APBB2: variants seen among roughly 807,000 people sequenced by gnomAD.
The protein encoded by APBB2 is amyloid beta precursor protein binding family B member 2.
A neutral mutation model predicts 82.5 loss-of-function variants in APBB2; 38 were observed. The observed-to-expected ratio is 0.46, with a 90% CI of 0.36 to 0.60. APBB2 has a LOEUF of 0.60. Among genes scored for constraint, APBB2 ranks in the 20% least tolerant of loss-of-function variants. The pLI, the probability that APBB2 is intolerant of heterozygous loss-of-function variation, is 0.00. For synonymous variants in APBB2, 341 were observed against 368.2 expected (o/e 0.93, Z 0.85); for missense variants, 772 against 972.3 (o/e 0.79, Z 2.74).
chr4:40,833,542 AAAG>A lies in APBB2; in HGVS notation c.1530-2968_1530-2966del, dbSNP rs570577898. On this transcript the variant is annotated intron_variant, in intron 12 of 17. Coordinates refer to ENST00000508593, the MANE Select transcript of APBB2 (RefSeq NM_004307.2). ...CCACGGTATTTACATTCTGTGCTAC[AAAG>A]AAGAGGTCGTTATATCATACCTTTT... Among the ~76,000 whole-genome samples the A allele has an allele frequency of 3.3e-3, 475 of 142,376 alleles. 4 individuals carry two copies. The highest frequency in any genetic ancestry group is 0.012 in the African/African-American group (455 of 37,240). 93.4% of individuals were successfully genotyped at this position (142,376 alleles called of 152,430 possible).
chr4:40,957,786 G>A (rs1326651500), intron 6 of APBB2, among the ~76,000 whole-genome samples: 5 of 152,000 alleles, frequency 3.3e-5, no homozygotes, highest in Non-Finnish European at 7.4e-5. Flanking sequence ...GTTTCGCCAC[G>A]TTGGCCAGGC....
chr4:41,033,224 A>G lies in APBB2; in HGVS notation c.19+12T>C. 1 of 1,544,136 alleles carries G rather than the reference A, an allele frequency of 6.5e-7. No homozygotes were observed. The highest frequency in any genetic ancestry group is 8.9e-7 in the Non-Finnish European group (1 of 1,119,696). On this transcript the variant is annotated intron_variant, in intron 5 of 17. Coordinates refer to ENST00000508593, the MANE Select transcript of APBB2 (RefSeq NM_004307.2). ...GCTTCTCTGCATTGAAATATGAGAA[A>G]ATGTATCTGACCTGGAAGTACTTCT...
intron 4 of APBB2, among the ~76,000 whole-genome samples, chr4:41,060,688 C>T (rs1288214922): frequency 3.3e-5 from 5 of 151,694 alleles, no homozygotes; most frequent in African/African-American, 4.8e-5. Flanking sequence ...TGCAGGAACA[C>T]GTGCTTCCAG....
intron 6 of APBB2, among the ~76,000 whole-genome samples, chr4:40,950,281 T>C (rs755122926): frequency 6.6e-6 from 1 of 152,200 alleles, no homozygotes; most frequent in Non-Finnish European, 1.5e-5. Context: ...AAGAAAATAG[T>C]ATTAACTAGT....
intron 6 of APBB2, among the ~76,000 whole-genome samples, chr4:40,947,375 G>C (rs1434623166): frequency 2.0e-5 from 3 of 152,190 alleles, no homozygotes; most frequent in African/African-American, 7.2e-5. Flanking sequence ...TAGCCTAGTT[G>C]TCTTTACCAC....
At position 41,013,773 on chromosome 4, in the gene APBB2, C is replaced by A. The variant is rs191023447; in HGVS notation, c.645G>T (p.Gln215His). ...CTACTTGGCCGTCTTCAGGGCTGGA[C>A]TGGGGTCTGTTTGGTTTCTGCAGCA... ...DLLLQKPNRPQSSPEDGQVAT... is the reference protein window; with the variant it reads ...DLLLQKPNRPHSSPEDGQVAT... Residue 215 changes from glutamine (Q) to histidine (H), a missense_variant, in exon 6 of 18, where the codon CAG (glutamine) becomes CAT (histidine). Gln to His is a conservative substitution (Grantham distance 24). Coordinates refer to ENST00000508593, the MANE Select transcript of APBB2 (RefSeq NM_004307.2). The A allele has an allele frequency of 3.7e-6, 6 of 1,614,198 alleles. No individual in the cohort carries two copies. In the East Asian group the frequency reaches 1.3e-4, roughly 36 times the overall value.
intron 5 of APBB2, among the ~76,000 whole-genome samples, chr4:41,029,964 G>C (rs1300192888): frequency 6.6e-6 from 1 of 152,132 alleles, no homozygotes; most frequent in African/African-American, 2.4e-5. Flanking sequence ...AGGCCATCCT[G>C]GCTAACACAG....
chr4:41,116,859 C>A (rs577658393), intron 2 of APBB2, among the ~76,000 whole-genome samples: 4 of 152,088 alleles, frequency 2.6e-5, no homozygotes, highest in African/African-American at 9.7e-5. Flanking sequence ...TCTCTCTCGT[C>A]GTGTTGTCTT....
intron 16 of APBB2, among the ~76,000 whole-genome samples, chr4:40,823,075 T>C (rs1748571013): frequency 6.6e-6 from 1 of 152,166 alleles, no homozygotes; most frequent in Non-Finnish European, 1.5e-5. Flanking sequence ...AGAGGCAGAA[T>C]AGAAAAGTGG....
chr4:40,887,799 C>A (rs73242095), intron 12 of APBB2, among the ~76,000 whole-genome samples: 16,463 of 152,186 alleles, frequency 0.11, 1,093 homozygotes, highest in Admixed American at 0.2. Flanking sequence ...TATGTGGAAC[C>A]CTGAGCGTAT....
intron 12 of APBB2, among the ~76,000 whole-genome samples, chr4:40,872,867 C>T (rs534744981): frequency 6.6e-6 from 1 of 151,816 alleles, no homozygotes; most frequent in African/African-American, 2.4e-5. Context: ...GGGTGGATCA[C>T]CTCAGGTCAG....
chr4:41,004,836 C>CAAA (rs34941899), intron 6 of APBB2, among the ~76,000 whole-genome samples: 5,702 of 49,036 alleles, frequency 0.12, 1,251 homozygotes, highest in Middle Eastern at 0.23. Context: ...GACCCCATCT[C>CAAA]AAAAAAAAAA....
chr4:40,829,738 G>A (rs755622699), intron 13 of APBB2, among the ~76,000 whole-genome samples: 5 of 152,168 alleles, frequency 3.3e-5, no homozygotes, highest in African/African-American at 4.8e-5. Flanking sequence ...GGTGGGAGGC[G>A]GAGGCTAGGC....
intron 12 of APBB2, among the ~76,000 whole-genome samples, chr4:40,834,936 G>A (rs7666964): frequency 0.57 from 87,082 of 152,022 alleles, 25,798 homozygotes; most frequent in Non-Finnish European, 0.64. Context: ...TGCAACTGCC[G>A]TTTGGATTTT....
chr4:40,818,001 CTAAG>C (rs1231987015), intron 17 of APBB2, among the ~76,000 whole-genome samples: 1 of 152,194 alleles, frequency 6.6e-6, no homozygotes, highest in African/African-American at 2.4e-5. Flanking sequence ...AAAACCACAC[CTAAG>C]TGTTGGAATT....
In APBB2 at chr4:41,050,684, A is replaced by G. The variant is rs537967322; in HGVS notation, c.-51+14892T>C. On this transcript the variant is annotated intron_variant, in intron 4 of 17. Coordinates refer to ENST00000508593, the MANE Select transcript of APBB2 (RefSeq NM_004307.2). ...CCATGCACAATTAGCAACTCTTCTA[A>G]TAAGAAATAAGGAAGAGGGAGGGAG... 2.0e-5 allele frequency among the ~76,000 whole-genome samples: 3 copies of G among 152,330 alleles called. No individual in the cohort carries two copies. In the South Asian group the frequency reaches 6.2e-4, roughly 32 times the overall value.
In APBB2 at chr4:41,000,059, A is replaced by ATGTG. The variant is rs1307419146; in HGVS notation, c.835+13523_835+13524insCACA. On this transcript the variant is annotated intron_variant, in intron 6 of 17. Coordinates refer to ENST00000508593, the MANE Select transcript of APBB2 (RefSeq NM_004307.2). Reference sequence around the variant, plus strand: ...TGTGTGTGTGTATGTATATGTATATATATGTGTGTATGTGTGTGTGTGTGT... The same window carrying ATGTG: ...TGTGTGTGTGTATGTATATGTATATATGTGTATGTGTGTATGTGTGTGTGTGTGT... Among the ~76,000 whole-genome samples the ATGTG allele has an allele frequency of 7.3e-3, 681 of 92,950 alleles. 11 individuals carry two copies. The highest frequency in any genetic ancestry group is 0.022 in the African/African-American group (622 of 27,984). The allele number at this position is 92,950 out of a possible 152,430, so 61.0% of individuals were successfully genotyped here. A position where few individuals can be genotyped will look rare whatever the true frequency, so the allele number is the denominator to read the frequency against.
intron 10 of APBB2, among the ~76,000 whole-genome samples, chr4:40,905,836 G>A (rs147091154): frequency 0.014 from 2,056 of 152,154 alleles, 20 homozygotes; most frequent in Non-Finnish European, 0.019. Flanking sequence ...TCACTCCTCC[G>A]CACTGAGAGA....
intron 12 of APBB2, among the ~76,000 whole-genome samples, chr4:40,836,112 C>T (rs868810066): frequency 1.3e-5 from 2 of 152,044 alleles, no homozygotes; most frequent in African/African-American, 4.8e-5. Context: ...CTGAGGCCTG[C>T]GGTCTGGGCA....
Sources: gnomAD v4.1 joint callset for allele counts (sites outside exome capture counted in the v4.1 genomes callset) on GRCh38, gnomAD v4.1.1 for gene constraint, MANE v1.5 for transcripts, NCBI Gene and HGNC (gene_info 2026-07-23, HGNC 2026-07-21) for gene names.